The following LTBP1 variants were observed in gnomAD, a reference collection of about 807,000 sequenced individuals.
The protein encoded by LTBP1 is latent transforming growth factor beta binding protein 1, also known as latent-transforming growth factor beta-binding protein 1.
LTBP1 carries 129 observed loss-of-function variants against 207.6 expected under a neutral mutation model. The observed-to-expected ratio is 0.62, with a 90% CI of 0.54 to 0.72. LTBP1 has a LOEUF of 0.72. Among genes scored for constraint, LTBP1 ranks in the 30% least tolerant of loss-of-function variants. The pLI, the probability that LTBP1 is intolerant of heterozygous loss-of-function variation, is 0.00. For synonymous variants in LTBP1, 963 were observed against 833.7 expected (o/e 1.16, Z -2.67); for missense variants, 2,281 against 2,217.2 (o/e 1.03, Z -0.58).
At chr2:32,995,284 C>T (rs181970058) in intron 2 of LTBP1, among the ~76,000 whole-genome samples, 10 of 152,196 alleles carry the variant, frequency 6.6e-5, no homozygotes, top group Admixed American at 1.3e-4. Flanking sequence ...CAGTGCCTCT[C>T]GAACTAATGT....
Position 32,966,706 on chromosome 2 carries a change from C to G in LTBP1, c.565+17761C>G, listed in dbSNP as rs533526731. On this transcript the variant is annotated intron_variant, in intron 2 of 33. Coordinates refer to ENST00000404816, the MANE Select transcript of LTBP1 (RefSeq NM_206943.4). ...GTTGATATTTGAATGTTAGACCAAA[C>G]TTGCATACCTGGGATAAATCCCATT... Among the ~76,000 whole-genome samples, 36 of 152,272 alleles carry G rather than the reference C, an allele frequency of 2.4e-4. 1 individual carries two copies. The South Asian group carries it at 7.2e-3, about 31-fold the overall frequency.
At chr2:33,129,114 A>C (rs1252750075) in intron 4 of LTBP1, among the ~76,000 whole-genome samples, 2 of 152,244 alleles carry the variant, frequency 1.3e-5, no homozygotes, top group Non-Finnish European at 2.9e-5. Flanking sequence ...TCTGGAGCCA[A>C]TGATGGGGAA....
intron 11 of LTBP1, among the ~76,000 whole-genome samples, chr2:33,254,852 G>GTTTTTGTTT (rs2092794721): frequency 9.6e-5 from 1 of 10,366 alleles, no homozygotes; most frequent in Non-Finnish European, 1.5e-4. Context: ...GCGGTGTTTG[G>GTTTTTGTTT]TTTTTTTTTT....
At chr2:33,383,477 T>G (rs1356277520) in intron 31 of LTBP1, among the ~76,000 whole-genome samples, 1 of 152,258 alleles carries the variant, frequency 6.6e-6, no homozygotes, top group Non-Finnish European at 1.5e-5. Flanking sequence ...TTGTCGTTAA[T>G]CCATGTTTAA....
intron 9 of LTBP1, among the ~76,000 whole-genome samples, chr2:33,243,357 C>T (rs2092400825): frequency 6.6e-6 from 1 of 152,154 alleles, no homozygotes; most frequent in Non-Finnish European, 1.5e-5. Context: ...CCTATATGCT[C>T]CATAATGCCT....
intron 2 of LTBP1, among the ~76,000 whole-genome samples, chr2:32,992,504 T>G (rs2148869803): frequency 6.6e-6 from 1 of 152,154 alleles, no homozygotes; most frequent in African/African-American, 2.4e-5. Flanking sequence ...AAATGAAGGA[T>G]TAGATGGTAG....
rs543535154 is a variant in LTBP1, at chr2:32,966,401, A to G, written c.565+17456A>G. Among the ~76,000 whole-genome samples the G allele has an allele frequency of 3.3e-5, 5 of 152,238 alleles. No individual in the cohort carries two copies. The South Asian group carries it at 8.3e-4, about 25-fold the overall frequency. ...GTGTTATATCTTGTTTTATTTTATT[A>G]GCTAGGACTTCCAGTACTATTGAAA... is the stretch of plus-strand genomic sequence containing the variant. On this transcript the variant is annotated intron_variant, in intron 2 of 33. Coordinates refer to ENST00000404816, the MANE Select transcript of LTBP1 (RefSeq NM_206943.4).
intron 4 of LTBP1, among the ~76,000 whole-genome samples, chr2:33,118,366 A>C (rs1244231933): frequency 6.6e-6 from 1 of 152,184 alleles, no homozygotes; most frequent in Non-Finnish European, 1.5e-5. Context: ...TAGGTGTGAA[A>C]ACAAACTGTT....
At chr2:33,228,768 C>G (rs1044404655) in intron 9 of LTBP1, among the ~76,000 whole-genome samples, 4 of 132,414 alleles carry the variant, frequency 3.0e-5, no homozygotes, top group Non-Finnish European at 6.2e-5. Flanking sequence ...GGTGCAATCT[C>G]GGCTCACTGC....
chr2:33,367,754 C>G (rs2095011206), intron 31 of LTBP1, among the ~76,000 whole-genome samples: 1 of 152,010 alleles, frequency 6.6e-6, no homozygotes, highest in African/African-American at 2.4e-5. Flanking sequence ...CCTACAGGTG[C>G]ATATGTGGAG....
chr2:33,324,853 C>A (rs1362038497), intron 24 of LTBP1, among the ~76,000 whole-genome samples: 1 of 151,916 alleles, frequency 6.6e-6, no homozygotes, highest in African/African-American at 2.4e-5. Context: ...AGGCATGTGC[C>A]ACCACACCCG....
intron 31 of LTBP1, among the ~76,000 whole-genome samples, chr2:33,384,156 C>T (rs1451236793): frequency 6.6e-6 from 1 of 152,172 alleles, no homozygotes; most frequent in East Asian, 1.9e-4. Context: ...CTGCCAACAG[C>T]AGGGGCCCCA....
intron 2 of LTBP1, among the ~76,000 whole-genome samples, chr2:32,997,066 G>T (rs957360696): frequency 2.6e-5 from 4 of 152,026 alleles, no homozygotes; most frequent in African/African-American, 9.7e-5. Flanking sequence ...TGTATTTTTA[G>T]TAGAGACAGG....
At chr2:33,161,786 G>T (rs922349943) in intron 5 of LTBP1, among the ~76,000 whole-genome samples, 2 of 152,186 alleles carry the variant, frequency 1.3e-5, no homozygotes, top group African/African-American at 4.8e-5. Context: ...TAAAGAACCT[G>T]CATTGTAGAC....
intron 2 of LTBP1, among the ~76,000 whole-genome samples, chr2:33,017,412 G>T (rs1323558810): frequency 1.3e-5 from 2 of 152,112 alleles, no homozygotes; most frequent in Non-Finnish European, 2.9e-5. Context: ...CTGATTGCTG[G>T]GCTCCAGTTT....
At chr2:33,009,096 G>A (rs574988308) in intron 2 of LTBP1, among the ~76,000 whole-genome samples, 76 of 152,200 alleles carry the variant, frequency 5.0e-4, no homozygotes, top group Non-Finnish European at 8.1e-4. Flanking sequence ...GAGGAGTAAT[G>A]TCATCTGGGT....
chr2:32,947,851 G>T (rs1676454208), intron 1 of LTBP1, 33 bp downstream of exon 1: 1 of 1,276,168 alleles, frequency 7.8e-7, no homozygotes, highest in Non-Finnish European at 1.0e-6. Flanking sequence ...CCGCCCGCCC[G>T]CCTCGCGCGC....
chr2:33,321,842 A>C (rs1455079336), intron 24 of LTBP1, among the ~76,000 whole-genome samples: 1 of 152,226 alleles, frequency 6.6e-6, no homozygotes, highest in Non-Finnish European at 1.5e-5. Flanking sequence ...ACTCTCTTCC[A>C]TGTGTAAAAA....
chr2:33,121,642 G>T (rs2081128877), intron 4 of LTBP1, among the ~76,000 whole-genome samples: 1 of 152,202 alleles, frequency 6.6e-6, no homozygotes, highest in Non-Finnish European at 1.5e-5. Context: ...ATTCCATGGA[G>T]GAGCTGGCTG....
Sources: allele counts gnomAD v4.1 joint callset (sites outside exome capture counted in the v4.1 genomes callset), GRCh38; gene constraint gnomAD v4.1.1; transcripts MANE v1.5; gene names NCBI Gene and HGNC (gene_info 2026-07-23, HGNC 2026-07-21).